KCNMA1: variants seen among roughly 807,000 people sequenced by gnomAD.
KCNMA1 encodes Calcium-activated potassium channel subunit alpha-1.
A neutral mutation model predicts 140.0 loss-of-function variants in KCNMA1; 29 were observed. The observed-to-expected ratio is 0.21, with a 90% CI of 0.15 to 0.28. KCNMA1 has a LOEUF of 0.28. KCNMA1 is among the 10% of genes least tolerant of loss of function. The pLI is 1.00. For synonymous variants in KCNMA1, 612 were observed against 611.9 expected (o/e 1.00, Z 0.00); for missense variants, 880 against 1,602.2 (o/e 0.55, Z 7.70).
chr10:76,913,937 A>G, intron 24 of KCNMA1: 1 of 706,408 alleles, frequency 1.4e-6, no homozygotes, highest in Non-Finnish European at 2.4e-6. Flanking sequence ...CATTCAAAGC[A>G]GTGCCATGGG....
At chr10:77,241,451 C>A (rs1201959008) in intron 3 of KCNMA1, among the ~76,000 whole-genome samples, 1 of 151,492 alleles carries the variant, frequency 6.6e-6, no homozygotes, top group Non-Finnish European at 1.5e-5. Flanking sequence ...TAAAACCAGT[C>A]TGGGCAACAC....
chr10:76,927,515 A>C (rs1157784644), intron 23 of KCNMA1, among the ~76,000 whole-genome samples: 2 of 152,222 alleles, frequency 1.3e-5, no homozygotes. Context: ...TTTTAATTTT[A>C]ATTTAAAGAG....
chr10:77,160,900 G>C (rs2154077887), intron 5 of KCNMA1, among the ~76,000 whole-genome samples: 1 of 152,304 alleles, frequency 6.6e-6, no homozygotes, highest in South Asian at 2.1e-4. Context: ...GATTCATGCA[G>C]GTGACTCAAC....
At chr10:77,411,008 G>C (rs1815535118) in intron 1 of KCNMA1, among the ~76,000 whole-genome samples, 2 of 152,078 alleles carry the variant, frequency 1.3e-5, no homozygotes, top group African/African-American at 4.8e-5. Context: ...TTTTTGTTTT[G>C]TTTGTTTTGT....
intron 16 of KCNMA1, chr10:77,020,458 T>C (rs2092706027): frequency 1.3e-5 from 2 of 152,178 alleles, no homozygotes; most frequent in African/African-American, 4.8e-5. Flanking sequence ...TCATGACTAT[T>C]ATTAACACTC....
rs1432427895 is a variant in KCNMA1, at chr10:77,595,798, G to A, written c.378+41467C>T. Among the ~76,000 whole-genome samples, 20 of 152,166 alleles carry A rather than the reference G, an allele frequency of 1.3e-4. No homozygotes were observed. The East Asian group carries it at 2.9e-3, about 22-fold the overall frequency. On this transcript the variant is annotated intron_variant, in intron 1 of 27. Coordinates refer to ENST00000286628, the MANE Select transcript of KCNMA1 (RefSeq NM_001161352.2). ...CAAGTAGCTGGGACTACAGGTGCGCGCCATCATGCCCGGCTAATTTTTATA... is the reference window on the plus strand; with the variant it reads ...CAAGTAGCTGGGACTACAGGTGCGCACCATCATGCCCGGCTAATTTTTATA...
intron 19 of KCNMA1, chr10:76,972,968 T>C (rs1048654091): frequency 6.6e-6 from 1 of 152,326 alleles, no homozygotes; most frequent in Non-Finnish European, 1.5e-5. Flanking sequence ...CTATAAAATA[T>C]AATTTTCATT....
chr10:77,149,058 A>G (rs2154049874), intron 5 of KCNMA1, among the ~76,000 whole-genome samples: 1 of 152,340 alleles, frequency 6.6e-6, no homozygotes, highest in South Asian at 2.1e-4. Context: ...TAGACGATGA[A>G]ATCCTTGAGG....
intron 1 of KCNMA1, among the ~76,000 whole-genome samples, chr10:77,605,153 G>A (rs918382772): frequency 3.9e-5 from 6 of 152,238 alleles, no homozygotes; most frequent in Non-Finnish European, 5.9e-5. Flanking sequence ...GCGCCCAGCC[G>A]CAGCCCAGGG....
chr10:77,608,130 C>A (rs551703107), intron 1 of KCNMA1, among the ~76,000 whole-genome samples: 2 of 152,088 alleles, frequency 1.3e-5, no homozygotes, highest in Non-Finnish European at 2.9e-5. Context: ...CTCTGCACGT[C>A]CCCCTGCACC....
intron 2 of KCNMA1, among the ~76,000 whole-genome samples, chr10:77,265,054 C>G (rs79733747): frequency 6.8e-6 from 1 of 146,320 alleles, no homozygotes; most frequent in Non-Finnish European, 1.5e-5. Context: ...TCAAAAGACT[C>G]TTTTTTTTTT....
At chr10:77,250,124 A>G (rs1342946031) in intron 3 of KCNMA1, 1 of 152,218 alleles carries the variant, frequency 6.6e-6, no homozygotes, top group East Asian at 1.9e-4. Flanking sequence ...TGTGCATGAA[A>G]TTACCACCAT....
At chr10:77,274,754 T>G (rs1264815891) in intron 2 of KCNMA1, among the ~76,000 whole-genome samples, 1 of 152,178 alleles carries the variant, frequency 6.6e-6, no homozygotes, top group Non-Finnish European at 1.5e-5. Flanking sequence ...TTCTGGAGAA[T>G]GTAGGTGATT....
At chr10:77,403,792 G>T in intron 2 of KCNMA1, 70 bp downstream of exon 2, 2 of 1,475,048 alleles carry the variant, frequency 1.4e-6, no homozygotes, top group South Asian at 1.3e-5. Context: ...GGAATATCAC[G>T]TCTCATAAGC....
chr10:76,919,502 T>C (rs547143477), intron 23 of KCNMA1, among the ~76,000 whole-genome samples: 3 of 152,296 alleles, frequency 2.0e-5, no homozygotes, highest in African/African-American at 7.2e-5. Flanking sequence ...CTATATACTG[T>C]ATAAGAACTT....
chr10:77,306,210 C>G (rs989203599), intron 2 of KCNMA1, among the ~76,000 whole-genome samples: 1 of 152,190 alleles, frequency 6.6e-6, no homozygotes, highest in Non-Finnish European at 1.5e-5. Context: ...GGTCTCTGCC[C>G]TCAGGGACCT....
chr10:77,106,830 C>T (rs1219086528), intron 9 of KCNMA1, among the ~76,000 whole-genome samples: 1 of 152,076 alleles, frequency 6.6e-6, no homozygotes, highest in Non-Finnish European at 1.5e-5. Flanking sequence ...AACCAATGGC[C>T]CAGAAATCAG....
At chr10:77,087,465 T>C (rs2096718717) in intron 10 of KCNMA1, among the ~76,000 whole-genome samples, 1 of 152,228 alleles carries the variant, frequency 6.6e-6, no homozygotes, top group Non-Finnish European at 1.5e-5. Flanking sequence ...AAGGTTCCCC[T>C]GGGAGAGGCA....
rs886047262 is a variant in KCNMA1, at chr10:76,886,101, G to A, written c.*1165C>T. ...CTTTTGTCTTTGTTGAGTCAACTGT[G>A]GCTGATCCTCCTACATTCTAATTTA... On this transcript the variant is annotated 3_prime_UTR_variant, in exon 28 of 28. Coordinates refer to ENST00000286628, the MANE Select transcript of KCNMA1 (RefSeq NM_001161352.2). 1 of 985,416 alleles carries A rather than the reference G, an allele frequency of 1.0e-6. No individual in the cohort carries two copies. The highest frequency in any genetic ancestry group is 1.7e-5 in the African/African-American group (1 of 57,348). The allele number at this position is 985,416 out of a possible 1,614,324, so 61.0% of individuals were successfully genotyped here.
Sources: gnomAD v4.1 joint callset for allele counts (sites outside exome capture counted in the v4.1 genomes callset) on GRCh38, gnomAD v4.1.1 for gene constraint, MANE v1.5 for transcripts, NCBI Gene and HGNC (gene_info 2026-07-23, HGNC 2026-07-21) for gene names.